CORIN: variants seen among roughly 807,000 people sequenced by gnomAD.
The protein encoded by CORIN is corin, serine peptidase, also known as atrial natriuretic peptide-converting enzyme.
A neutral mutation model predicts 125.3 loss-of-function variants in CORIN; 117 were observed. The observed-to-expected ratio is 0.93, with a 90% confidence interval of 0.80 to 1.09. CORIN has a LOEUF of 1.09. Among genes scored for constraint, CORIN ranks in the 50% least tolerant of loss-of-function variants. The pLI is 0.00. For synonymous variants in CORIN, 450 were observed against 466.4 expected (o/e 0.96, Z 0.45); for missense variants, 1,253 against 1,306.7 (o/e 0.96, Z 0.63).
chr4:47,686,747 A>G (rs1725534723), intron 6 of CORIN, among the ~76,000 whole-genome samples: 1 of 152,188 alleles, frequency 6.6e-6, no homozygotes, highest in East Asian at 1.9e-4. Flanking sequence ...CGATCAGTGC[A>G]AAGTATACGC....
rs190822737 is a variant in CORIN at position 47,763,586 on chromosome 4, C to A, written c.410G>T (p.Ser137Ile). The stretch of plus-strand genomic sequence containing the variant: ...GCTGTGGGTGATGTTCATACAGGCA[C>A]CTGGGAAGTAAAGACATGCACATTT... ...LPGDQSHRNTSACMNITHSQC... is the reference protein window; with the variant it reads ...LPGDQSHRNTIACMNITHSQC... Residue 137 changes from serine to isoleucine, a missense_variant and splice_region_variant, in exon 4 of 22, where the codon AGT (serine) becomes ATT (isoleucine). Transcript: ENST00000273857. 1.9e-5 allele frequency: 30 copies of A among 1,613,584 alleles called. No individual in the cohort carries two copies. In the African/African-American group the frequency reaches 3.2e-4, roughly 17 times the overall value.
chr4:47,762,218 T>C (rs1321953228), intron 4 of CORIN, among the ~76,000 whole-genome samples: 2 of 152,172 alleles, frequency 1.3e-5, no homozygotes, highest in Admixed American at 6.5e-5. Flanking sequence ...GATGTATTTG[T>C]TAATCAGCTA....
At chr4:47,782,102 A>C (rs1730578604) in intron 3 of CORIN, among the ~76,000 whole-genome samples, 2 of 151,470 alleles carry the variant, frequency 1.3e-5, no homozygotes, top group Admixed American at 1.3e-4. Flanking sequence ...AACTGAAAGA[A>C]GGCCAGGCGC....
At chr4:47,697,022 A>T (rs975561079) in intron 5 of CORIN, among the ~76,000 whole-genome samples, 8 of 152,204 alleles carry the variant, frequency 5.3e-5, no homozygotes, top group Non-Finnish European at 1.0e-4. Flanking sequence ...AAGCTGACAC[A>T]GCTCTGCACA....
intron 1 of CORIN, among the ~76,000 whole-genome samples, chr4:47,815,497 T>C (rs1300760102): frequency 6.6e-6 from 1 of 152,092 alleles, no homozygotes; most frequent in Admixed American, 6.6e-5. Context: ...TAGAAGATGA[T>C]TTTGGGAAGA....
intron 14 of CORIN, among the ~76,000 whole-genome samples, chr4:47,644,243 C>G (rs1723368763): frequency 6.6e-6 from 1 of 152,188 alleles, no homozygotes; most frequent in South Asian, 2.1e-4. Flanking sequence ...CTCCTTCCAG[C>G]TGGACATGAT....
rs1721953904 is a variant in CORIN at position 47,613,628 on chromosome 4, A to C, written c.2540+9943T>G. Among the ~76,000 whole-genome samples the C allele has an allele frequency of 2.0e-5, 3 of 151,764 alleles. 1 individual carries two copies. In the South Asian group the frequency reaches 6.3e-4, roughly 32 times the overall value. On this transcript the variant is annotated intron_variant, in intron 19 of 21. Coordinates refer to ENST00000273857, the MANE Select transcript of CORIN (RefSeq NM_006587.4). ...ATACACCATGGAATACTATGCAGCC[A>C]TAAAAAATGATGAGTTCATGTCCTT... is the stretch of plus-strand genomic sequence containing the variant.
At chr4:47,710,682 C>T (rs1726800140) in intron 5 of CORIN, among the ~76,000 whole-genome samples, 1 of 152,232 alleles carries the variant, frequency 6.6e-6, no homozygotes, top group African/African-American at 2.4e-5. Context: ...CAGGCACTGG[C>T]CCGGCCACCT....
chr4:47,622,349 C>A (rs1158906786), intron 19 of CORIN, among the ~76,000 whole-genome samples: 1 of 148,864 alleles, frequency 6.7e-6, no homozygotes, highest in Non-Finnish European at 1.5e-5. Context: ...ATTTATAGTC[C>A]TTTGGGTATA....
rs1725149480 is a variant in CORIN, at chr4:47,679,090, C to G, written c.1133-1036G>C. Among the ~76,000 whole-genome samples, 6 of 152,310 alleles carry G rather than the reference C, an allele frequency of 3.9e-5. No individual in the cohort carries two copies. The South Asian group carries it at 1.2e-3, about 32-fold the overall frequency. On this transcript the variant is annotated intron_variant, in intron 8 of 21. Transcript: ENST00000273857. ...TATATAATCAACTTTCTTACTTTTACTAGACACAAAAAGATGAAATGAAAA... is the reference window on the plus strand; with the variant it reads ...TATATAATCAACTTTCTTACTTTTAGTAGACACAAAAAGATGAAATGAAAA...
At chr4:47,777,800 A>G (rs2109900011) in intron 3 of CORIN, among the ~76,000 whole-genome samples, 1 of 152,354 alleles carries the variant, frequency 6.6e-6, no homozygotes. Context: ...TTCAGCTACA[A>G]GTGAAAAGGC....
At chr4:47,716,216 C>G (rs1000338439) in intron 5 of CORIN, among the ~76,000 whole-genome samples, 1 of 152,198 alleles carries the variant, frequency 6.6e-6, no homozygotes, top group Admixed American at 6.5e-5. Flanking sequence ...CTCCCAACAT[C>G]TGTTCTGTTT....
rs1287136794 is a variant in CORIN at position 47,799,281 on chromosome 4, T to C, written c.208+7622A>G. ...TTTTTGGTGGAATGATTTATTTTCT[T>C]TTGGCTATATCCCCAGTGATGAGAC... On this transcript the variant is annotated intron_variant, in intron 2 of 21. Transcript: ENST00000273857. Among the ~76,000 whole-genome samples the C allele has an allele frequency of 2.0e-5, 3 of 152,090 alleles. No homozygotes were observed. In the East Asian group the frequency reaches 5.8e-4, roughly 29 times the overall value.
intron 5 of CORIN, among the ~76,000 whole-genome samples, chr4:47,707,424 T>C (rs2109770635): frequency 6.6e-6 from 1 of 152,322 alleles, no homozygotes; most frequent in African/African-American, 2.4e-5. Flanking sequence ...GAGGTCTCTC[T>C]GCTTAAAATA....
chr4:47,636,569 G>T (rs1723035293), intron 16 of CORIN, among the ~76,000 whole-genome samples: 1 of 152,114 alleles, frequency 6.6e-6, no homozygotes, highest in East Asian at 1.9e-4. Flanking sequence ...ATTGAATTAT[G>T]GGGGTGGGTC....
intron 4 of CORIN, among the ~76,000 whole-genome samples, chr4:47,762,783 C>A (rs892019684): frequency 2.0e-5 from 3 of 152,176 alleles, no homozygotes; most frequent in Non-Finnish European, 4.4e-5. Context: ...GAGGCACTGG[C>A]AGATGGGAGG....
At chr4:47,729,800 C>T (rs1398080578) in intron 5 of CORIN, among the ~76,000 whole-genome samples, 1 of 152,246 alleles carries the variant, frequency 6.6e-6, no homozygotes, top group Non-Finnish European at 1.5e-5. Flanking sequence ...CGCACACACA[C>T]GGAGCGGCTG....
chr4:47,765,034 G>A (rs763884547), intron 3 of CORIN, among the ~76,000 whole-genome samples: 20 of 152,104 alleles, frequency 1.3e-4, no homozygotes, highest in Admixed American at 1.3e-4. Flanking sequence ...CCTAGGGGCC[G>A]GGTGCGGTGG....
chr4:47,797,287 A>G (rs1047716021), intron 2 of CORIN, among the ~76,000 whole-genome samples: 2 of 150,464 alleles, frequency 1.3e-5, no homozygotes, highest in Non-Finnish European at 3.0e-5. Flanking sequence ...TGTATATGTA[A>G]AATTTGAGGA....
Sources: allele counts gnomAD v4.1 joint callset (sites outside exome capture counted in the v4.1 genomes callset), GRCh38; gene constraint gnomAD v4.1.1; transcripts MANE v1.5; gene names NCBI Gene and HGNC (gene_info 2026-07-23, HGNC 2026-07-21).